WDR18: variants seen among roughly 807,000 people sequenced by gnomAD.
WDR18 encodes WD repeat-containing protein 18.
In WDR18, 33 loss-of-function variants were observed where a neutral mutation model predicts 49.6. The observed-to-expected ratio is 0.67, with a 90% CI of 0.50 to 0.89. The LOEUF is 0.89. Among genes scored for constraint, WDR18 ranks in the 40% least tolerant of loss-of-function variants. The probability of loss-of-function intolerance (pLI) is 0.00; values close to 1 mark genes in which losing one functional copy is unlikely to be tolerated. For missense variants in WDR18, 653 were observed against 593.6 expected (o/e 1.10, Z -1.04); for synonymous variants, 315 against 263.6 (o/e 1.19, Z -1.89).
rs773915100 is a variant in WDR18, at chr19:991,300, C to G, written c.880C>G (p.Arg294Gly). The G allele has an allele frequency of 6.4e-7, 1 of 1,561,950 alleles. No individual in the cohort carries two copies. The highest frequency in any genetic ancestry group is 1.2e-5 in the South Asian group (1 of 85,300). ...LLSGSHDETV[R>G]LWDVQSKQCI... ...CTCAGGCTCCCACGACGAGACCGTG[C>G]GCCTCTGGGACGTGCAGAGCAAGCA... The change falls in exon 7 of 10, where the codon CGC becomes GGC. Residue 294 changes from arginine (R) to glycine (G), a missense_variant. Coordinates refer to ENST00000585809, the MANE Select transcript of WDR18 (RefSeq NM_024100.4).
Position 994,536 on chromosome 19 carries a change from TAAC to T in WDR18, c.*195_*197del. 1.2e-6 allele frequency: 1 copy of T among 815,226 alleles called. No individual in the cohort carries two copies. The highest frequency in any genetic ancestry group is 1.9e-5 in the South Asian group (1 of 53,350). The allele number at this position is 815,226 out of a possible 1,614,324, so 50.5% of individuals were successfully genotyped here. On this transcript the variant is annotated 3_prime_UTR_variant, in exon 10 of 10. Coordinates refer to ENST00000585809, the MANE Select transcript of WDR18 (RefSeq NM_024100.4). Reference sequence around the variant, plus strand: ...CGTCACAGTGGTGCTAGTCTGTTTTTAACAAAAGAGGATGAAAAGCCCCTCCTC... The same window carrying T: ...CGTCACAGTGGTGCTAGTCTGTTTTTAAAAGAGGATGAAAAGCCCCTCCTC...
chr19:984,586 C>A, intron 1 of WDR18, 23 bp downstream of exon 1: 1 of 1,430,400 alleles, frequency 7.0e-7, no homozygotes, highest in Non-Finnish European at 9.2e-7. Context: ...GGTCTCGCTG[C>A]TGGGGTCATG....
At chr19:993,693 C>T (rs2038590915) in intron 8 of WDR18, among the ~76,000 whole-genome samples, 1 of 150,024 alleles carries the variant, frequency 6.7e-6, no homozygotes, top group African/African-American at 2.4e-5. Flanking sequence ...GTCCCAGAGC[C>T]TTCCCTGGGC....
intron 8 of WDR18, 126 bp downstream of exon 8, chr19:992,247 G>T (rs1042273913): frequency 3.3e-6 from 4 of 1,210,588 alleles, no homozygotes; most frequent in Non-Finnish European, 4.3e-6. Flanking sequence ...GCACTGGAGG[G>T]CGCGTCCTGT....
intron 2 of WDR18, among the ~76,000 whole-genome samples, chr19:988,247 G>T (rs1042349633): frequency 5.3e-5 from 8 of 152,188 alleles, no homozygotes; most frequent in African/African-American, 1.9e-4. Flanking sequence ...TCCTCCTCCT[G>T]TTCTCTGTGT....
intron 7 of WDR18, 47 bp downstream of exon 7, chr19:991,398 G>A (rs2038546437): frequency 7.7e-7 from 1 of 1,305,100 alleles, no homozygotes; most frequent in African/African-American, 1.7e-5. Flanking sequence ...AGGGGAAAAA[G>A]CCAGCAGGAG....
chr19:987,837 T>TTTG (rs2038492021), intron 2 of WDR18, among the ~76,000 whole-genome samples: 1 of 38,744 alleles, frequency 2.6e-5, no homozygotes, highest in Admixed American at 2.4e-4. Flanking sequence ...CAGTTTTTTT[T>TTTG]TTTTTTTTTT....
chr19:984,855 T>C (rs796943656), intron 1 of WDR18, among the ~76,000 whole-genome samples: 3 of 152,082 alleles, frequency 2.0e-5, no homozygotes, highest in South Asian at 4.1e-4. Context: ...ATGCACGAGT[T>C]CTTGGAGCGC....
upstream of WDR18, among the ~76,000 whole-genome samples, chr19:984,094 C>A (rs2038446672): frequency 6.6e-6 from 1 of 152,200 alleles, no homozygotes; most frequent in African/African-American, 2.4e-5. Context: ...TACCCCGGCT[C>A]TAGAGCTACT....
intron 4 of WDR18, 101 bp from the exon 5 acceptor site, chr19:990,751 C>G: frequency 2.7e-6 from 4 of 1,478,662 alleles, no homozygotes; most frequent in Non-Finnish European, 2.7e-6. Flanking sequence ...GCCCTAGGGC[C>G]AGAGGACAGC....
chr19:990,692 C>A, intron 4 of WDR18, 160 bp from the exon 5 acceptor site: 1 of 1,123,400 alleles, frequency 8.9e-7, no homozygotes, highest in Non-Finnish European at 1.2e-6. Context: ...AGGCCATGTC[C>A]CCTGGCCCCC....
upstream of WDR18, among the ~76,000 whole-genome samples, chr19:984,033 G>A (rs892809645): frequency 3.9e-5 from 6 of 152,192 alleles, no homozygotes; most frequent in Non-Finnish European, 4.4e-5. Flanking sequence ...ATGAATCCAA[G>A]AGCTTGAGTC....
At chr19:993,082 C>T (rs868224491) in intron 8 of WDR18, among the ~76,000 whole-genome samples, 1 of 152,216 alleles carries the variant, frequency 6.6e-6, no homozygotes, top group South Asian at 2.1e-4. Flanking sequence ...GGACCGCCAC[C>T]GTCTGGGCAT....
chr19:983,557 C>T (rs1271439913), upstream of WDR18, among the ~76,000 whole-genome samples: 2 of 145,848 alleles, frequency 1.4e-5, no homozygotes, highest in Non-Finnish European at 3.0e-5. Context: ...CCAAAGCGCC[C>T]GGCCTTTTTT....
intron 2 of WDR18, among the ~76,000 whole-genome samples, chr19:989,218 C>T (rs1455666565): frequency 2.7e-5 from 4 of 147,804 alleles, no homozygotes; most frequent in African/African-American, 5.0e-5. Context: ...TCTCAGCCCT[C>T]GAACCCACAA....
At chr19:992,240 C>G in intron 8 of WDR18, 119 bp downstream of exon 8, 2 of 1,238,640 alleles carry the variant, frequency 1.6e-6, no homozygotes, top group Non-Finnish European at 2.1e-6. Flanking sequence ...AAGCCCGGCA[C>G]TGGAGGGCGC....
At chr19:991,401 A>C in intron 7 of WDR18, 50 bp downstream of exon 7, 1 of 1,293,480 alleles carries the variant, frequency 7.7e-7, no homozygotes, top group Non-Finnish European at 1.0e-6. Context: ...GGAAAAAGCC[A>C]GCAGGAGCTC....
rs956435939 is a variant in WDR18 at position 994,242 on chromosome 19, C to T, written c.1197C>T (p.Arg399=). Residue 399 remains arginine (R), a synonymous_variant, in exon 10 of 10, where the codon CGC becomes CGT. Coordinates refer to ENST00000585809, the MANE Select transcript of WDR18 (RefSeq NM_024100.4). ...KSVLGGQDQL[R]VRVTELEDEV... ...TGCTCGGCGGCCAGGACCAGCTGCG[C>T]GTCCGTGTGACGGAGCTGGAGGACG... The T allele has an allele frequency of 1.9e-6, 3 of 1,607,122 alleles. No homozygotes were observed. Among genetic ancestry groups the T allele is most frequent in the Non-Finnish European group, 2.5e-6 (3 of 1,178,126 alleles).
rs775262508 is a variant in WDR18 at position 994,025 on chromosome 19, G to A, written c.1104G>A (p.Ser368=). The A allele has an allele frequency of 7.7e-6, 12 of 1,554,890 alleles. No homozygotes were observed. The highest frequency in any genetic ancestry group is 1.9e-5 in the Admixed American group (1 of 51,600). The change falls in exon 9 of 10, where the codon TCG becomes TCA. Residue 368 remains serine, a synonymous_variant. Coordinates refer to ENST00000585809, the MANE Select transcript of WDR18 (RefSeq NM_024100.4). Reference sequence around the variant, plus strand: ...CGTGGCTCCCTGTGTTACAGGGCTCGGAGCCCAGCTACCTGGACCGCACGG... The same window carrying A: ...CGTGGCTCCCTGTGTTACAGGGCTCAGAGCCCAGCTACCTGGACCGCACGG... The part of the protein sequence containing the change: ...TLRLGLHQQG[S]EPSYLDRTEQ...
Sources: allele counts gnomAD v4.1 joint callset (sites outside exome capture counted in the v4.1 genomes callset), GRCh38; gene constraint gnomAD v4.1.1; transcripts MANE v1.5; gene names NCBI Gene and HGNC (gene_info 2026-07-23, HGNC 2026-07-21).